The following ITCH variants were observed in gnomAD, a reference collection of about 807,000 sequenced individuals.
ITCH encodes E3 ubiquitin-protein ligase Itchy homolog.
A neutral mutation model predicts 126.8 loss-of-function variants in ITCH; 28 were observed. The observed-to-expected ratio is 0.22, with a 90% CI of 0.16 to 0.30. The LOEUF (loss-of-function observed/expected upper bound fraction) is 0.30. Among genes scored for constraint, ITCH ranks in the 10% least tolerant of loss-of-function variants. The pLI, the probability that ITCH is intolerant of heterozygous loss-of-function variation, is 1.00. For missense variants in ITCH, 631 were observed against 1,032.4 expected (o/e 0.61, Z 5.33); for synonymous variants, 342 against 340.0 (o/e 1.01, Z -0.06).
chr20:34,437,426 C>T (rs868708297), intron 7 of ITCH, among the ~76,000 whole-genome samples: 26 of 152,284 alleles, frequency 1.7e-4, no homozygotes, highest in Middle Eastern at 3.4e-3. Flanking sequence ...CCACCTCAGC[C>T]TCCTGAGTAG....
chr20:34,451,964 G>A (rs1307926202), intron 12 of ITCH, among the ~76,000 whole-genome samples: 1 of 151,732 alleles, frequency 6.6e-6, no homozygotes, highest in Non-Finnish European at 1.5e-5. Context: ...AGTTTCTTGG[G>A]AGGCTGAGGT....
At chr20:34,466,252 T>C (rs1987053878) in intron 14 of ITCH, 1 of 399,738 alleles carries the variant, frequency 2.5e-6, no homozygotes, top group Non-Finnish European at 5.0e-6. Context: ...TTTTTTGCAT[T>C]CCAGGAATAA....
chr20:34,475,062 GC>G (rs1259162083), intron 16 of ITCH, among the ~76,000 whole-genome samples: 1 of 151,794 alleles, frequency 6.6e-6, no homozygotes, highest in African/African-American at 2.4e-5. Context: ...ACCATGGGCG[GC>G]CGGGCAGAGA....
intron 12 of ITCH, among the ~76,000 whole-genome samples, chr20:34,450,408 A>G (rs1985049025): frequency 6.6e-6 from 1 of 152,200 alleles, no homozygotes; most frequent in South Asian, 2.1e-4. Context: ...GAAGGTGTCA[A>G]CTTCATGCCC....
At chr20:34,500,741 G>A (rs779308361) in intron 23 of ITCH, among the ~76,000 whole-genome samples, 2 of 152,050 alleles carry the variant, frequency 1.3e-5, no homozygotes, top group African/African-American at 4.8e-5. Flanking sequence ...TTATATATCC[G>A]TCGTTCCTTT....
chr20:34,489,193 A>G (rs1989345545), intron 20 of ITCH, 73 bp from the exon 21 acceptor site: 1 of 1,333,730 alleles, frequency 7.5e-7, no homozygotes, highest in Non-Finnish European at 1.0e-6. Flanking sequence ...ATTTTTTAAA[A>G]TTTATTTTTA....
intron 1 of ITCH, among the ~76,000 whole-genome samples, chr20:34,367,181 A>T (rs1224436415): frequency 6.6e-6 from 1 of 152,056 alleles, no homozygotes; most frequent in East Asian, 1.9e-4. Context: ...GAAGTTTGTT[A>T]TTGTTACTAT....
intron 2 of ITCH, 172 bp downstream of exon 2, chr20:34,369,642 AGCCTG>A: frequency 2.6e-6 from 1 of 390,240 alleles, no homozygotes; most frequent in Admixed American, 4.4e-5. Flanking sequence ...TGCAGGGATT[AGCCTG>A]TGAGCCACAC....
chr20:34,472,679 G>A (rs1987763942), intron 16 of ITCH, among the ~76,000 whole-genome samples: 1 of 152,212 alleles, frequency 6.6e-6, no homozygotes, highest in African/African-American at 2.4e-5. Flanking sequence ...CTTGCTTTCA[G>A]AATCAGTTTT....
chr20:34,404,540 C>A lies in ITCH; in HGVS notation c.71-4111C>A, dbSNP rs529771267. 1.1e-4 allele frequency among the ~76,000 whole-genome samples: 17 copies of A among 151,852 alleles called. No individual in the cohort carries two copies. The South Asian group carries it at 3.5e-3, about 32-fold the overall frequency. ...GTTGCAGTGATTCTCCTGCCTCAGC[C>A]TCCTGAGTAGCTGGGATTACAGGCG... On this transcript the variant is annotated intron_variant, in intron 3 of 24. Coordinates refer to ENST00000374864, the MANE Select transcript of ITCH (RefSeq NM_031483.7).
At chr20:34,370,845 T>C (rs2037596268) in intron 2 of ITCH, among the ~76,000 whole-genome samples, 1 of 147,834 alleles carries the variant, frequency 6.8e-6, no homozygotes, top group Non-Finnish European at 1.5e-5. Flanking sequence ...GAATAGGGAG[T>C]GAATGAAGTT....
At chr20:34,486,535 G>A (rs1017730462) in intron 20 of ITCH, among the ~76,000 whole-genome samples, 13 of 151,476 alleles carry the variant, frequency 8.6e-5, no homozygotes, top group Non-Finnish European at 1.9e-4. Flanking sequence ...CATGTTGGCC[G>A]GGCTTGTCTT....
chr20:34,393,905 C>T, intron 3 of ITCH, 24 bp downstream of exon 3: 2 of 1,598,670 alleles, frequency 1.3e-6, no homozygotes, highest in Non-Finnish European at 1.7e-6. Context: ...ACATCGGCTG[C>T]TTTACTTTAT....
At chr20:34,374,447 A>C (rs1199979597) in intron 2 of ITCH, among the ~76,000 whole-genome samples, 4 of 152,198 alleles carry the variant, frequency 2.6e-5, no homozygotes, top group Admixed American at 6.6e-5. Context: ...GCATATATAC[A>C]TAGGTATTAT....
chr20:34,411,380 C>G (rs1979013304), intron 4 of ITCH, among the ~76,000 whole-genome samples: 1 of 152,134 alleles, frequency 6.6e-6, no homozygotes, highest in Admixed American at 6.5e-5. Flanking sequence ...TCTCAAGCTC[C>G]TGACCTCAAA....
At chr20:34,434,773 T>A (rs1419662518) in intron 7 of ITCH, among the ~76,000 whole-genome samples, 1 of 152,144 alleles carries the variant, frequency 6.6e-6, no homozygotes, top group Non-Finnish European at 1.5e-5. Context: ...TGGGGATGGG[T>A]CCAGGAGTGG....
chr20:34,413,582 A>G (rs1351898026), intron 5 of ITCH, among the ~76,000 whole-genome samples, 160 bp from the exon 6 acceptor site: 4 of 152,230 alleles, frequency 2.6e-5, no homozygotes. Flanking sequence ...TTTGGTGTCA[A>G]AAGTGTTCAA....
intron 3 of ITCH, among the ~76,000 whole-genome samples, chr20:34,404,554 G>A (rs550705499): frequency 1.2e-3 from 181 of 151,744 alleles, no homozygotes; most frequent in South Asian, 0.012. Flanking sequence ...TGAGTAGCTG[G>A]GATTACAGGC....
In ITCH at chr20:34,445,565, A is replaced by G. The variant is rs139831870; in HGVS notation, c.1140+104A>G. 212 of 1,084,286 alleles carry G rather than the reference A, an allele frequency of 2.0e-4. No individual in the cohort carries two copies. In the African/African-American group the frequency reaches 2.8e-3, roughly 14 times the overall value. The allele number at this position is 1,084,286 out of a possible 1,614,324, so 67.2% of individuals were successfully genotyped here. ...AAAAAGAAGGTGCAAGTAGCATGGC[A>G]ACCCAGTTGTTGCTGTTAGTAGGTA... is the stretch of plus-strand genomic sequence containing the variant. On this transcript the variant is annotated intron_variant, in intron 11 of 24. Transcript: ENST00000374864.
Sources: allele counts gnomAD v4.1 joint callset (sites outside exome capture counted in the v4.1 genomes callset), GRCh38; gene constraint gnomAD v4.1.1; transcripts MANE v1.5; gene names NCBI Gene and HGNC (gene_info 2026-07-23, HGNC 2026-07-21).